The following GRID1 variants were observed in gnomAD, a reference collection of about 807,000 sequenced individuals.
The protein encoded by GRID1 is glutamate ionotropic receptor delta type subunit 1, also known as glutamate receptor ionotropic, delta-1.
GRID1 carries 28 observed loss-of-function variants against 98.0 expected under a neutral mutation model. That is an observed-to-expected ratio of 0.29 (90% CI 0.21 to 0.39). GRID1 has a LOEUF of 0.39. GRID1 is among the 10% of genes least tolerant of loss of function. The pLI, the probability that GRID1 is intolerant of heterozygous loss-of-function variation, is 1.00. For synonymous variants in GRID1, 553 were observed against 538.5 expected, an observed-to-expected ratio of 1.03 and a Z score of -0.37; for missense variants, 1,111 against 1,340.5, an observed-to-expected ratio of 0.83 and a Z score of 2.67.
chr10:85,975,445 G>T (rs1842460212), intron 4 of GRID1, among the ~76,000 whole-genome samples: 1 of 152,100 alleles, frequency 6.6e-6, no homozygotes, highest in Non-Finnish European at 1.5e-5. Flanking sequence ...CCACATTTAG[G>T]GCCAAGAGGG....
rs573727248 is a variant in GRID1 at position 85,916,396 on chromosome 10, T to C, written c.727-157A>G. Among the ~76,000 whole-genome samples, 1 of 152,318 alleles carries C rather than the reference T, an allele frequency of 6.6e-6. No individual in the cohort carries two copies. Among genetic ancestry groups the C allele is most frequent in the African/African-American group, 2.4e-5 (1 of 41,578 alleles). On this transcript the variant is annotated intron_variant, in intron 4 of 15. Coordinates refer to ENST00000327946, the MANE Select transcript of GRID1 (RefSeq NM_017551.3). This position sits in a 1 kb window ranked among gnomAD's most constrained non-coding sequence, Gnocchi z 4.0. Reference sequence around the variant, plus strand: ...TGGGGCCTGCTCTGGCTGCCTTAGCTGCAAGAAGCTTCATCTGAACACAGA... The same window carrying C: ...TGGGGCCTGCTCTGGCTGCCTTAGCCGCAAGAAGCTTCATCTGAACACAGA...
chr10:85,877,087 G>C (rs1253323062), intron 5 of GRID1, among the ~76,000 whole-genome samples: 1 of 152,228 alleles, frequency 6.6e-6, no homozygotes, highest in Non-Finnish European at 1.5e-5. Context: ...GCTTGCTTAG[G>C]TAAACAAAGC....
intron 2 of GRID1, among the ~76,000 whole-genome samples, chr10:86,312,111 G>C (rs575497092): frequency 3.8e-4 from 58 of 152,340 alleles, no homozygotes; most frequent in African/African-American, 1.3e-3. Flanking sequence ...CTTCTGTAAA[G>C]TTCAGGCTGC....
At chr10:85,847,406 C>T (rs1188826521) in intron 8 of GRID1, among the ~76,000 whole-genome samples, 1 of 152,178 alleles carries the variant, frequency 6.6e-6, no homozygotes, top group African/African-American at 2.4e-5. Flanking sequence ...AATAGTAAGT[C>T]TTCCTTATTG....
intron 2 of GRID1, among the ~76,000 whole-genome samples, chr10:86,312,036 T>C (rs1238664835): frequency 6.6e-6 from 1 of 152,218 alleles, no homozygotes; most frequent in Non-Finnish European, 1.5e-5. Context: ...TCCCAGCACT[T>C]GTAATTTGTG....
intron 2 of GRID1, among the ~76,000 whole-genome samples, chr10:86,312,612 C>T (rs1235081907): frequency 1.3e-5 from 2 of 152,256 alleles, no homozygotes; most frequent in South Asian, 2.1e-4. Flanking sequence ...GGTTCCAACA[C>T]TCACTAGTCC....
chr10:86,321,039 G>A (rs1176200002), intron 2 of GRID1, among the ~76,000 whole-genome samples: 1 of 150,788 alleles, frequency 6.6e-6, no homozygotes, highest in African/African-American at 2.4e-5. Flanking sequence ...GGCGGAGCTT[G>A]CAGTGAGCCA....
intron 8 of GRID1, among the ~76,000 whole-genome samples, chr10:85,745,919 G>C (rs923203215): frequency 1.3e-5 from 2 of 152,106 alleles, no homozygotes; most frequent in Non-Finnish European, 2.9e-5. Flanking sequence ...AAAGAGTAGA[G>C]TGAAGAAACA....
chr10:85,919,324 T>C (rs537012476), intron 4 of GRID1, among the ~76,000 whole-genome samples: 1 of 152,362 alleles, frequency 6.6e-6, no homozygotes, highest in East Asian at 1.9e-4. Context: ...TGGTCAACTT[T>C]TCTGTCCTAC....
chr10:85,602,229 T>C lies in GRID1; in HGVS notation c.*44A>G. On this transcript the variant is annotated 3_prime_UTR_variant, in exon 16 of 16. Coordinates refer to ENST00000327946, the MANE Select transcript of GRID1 (RefSeq NM_017551.3). ...GTTTTCTTGTATTAAAAAGCTCTGC[T>C]GGTCGGGTGGGTGGGAGGGTGGGCA... 1 of 926,370 alleles carries C rather than the reference T, an allele frequency of 1.1e-6. No individual in the cohort carries two copies. Among genetic ancestry groups the C allele is most frequent in the Non-Finnish European group, 1.4e-6 (1 of 712,656 alleles). The allele number at this position is 926,370 out of a possible 1,614,324, so 57.4% of individuals were successfully genotyped here.
intron 8 of GRID1, among the ~76,000 whole-genome samples, chr10:85,820,141 C>CAGAA (rs71016112): frequency 0.062 from 7,169 of 114,816 alleles, 520 homozygotes; most frequent in Middle Eastern, 0.093. Flanking sequence ...AAGAAAGAAA[C>CAGAA]AGAAAGAAAG....
intron 12 of GRID1, among the ~76,000 whole-genome samples, chr10:85,709,810 T>C (rs191273324): frequency 2.1e-3 from 321 of 152,360 alleles, no homozygotes; most frequent in Non-Finnish European, 2.8e-3. Flanking sequence ...ATATAGACCA[T>C]AGCTAAACCA....
rs538168462 is a variant in GRID1 at position 85,763,610 on chromosome 10, C to G, written c.1234-33996G>C. Among the ~76,000 whole-genome samples, 16 of 152,354 alleles carry G rather than the reference C, an allele frequency of 1.1e-4. No individual in the cohort carries two copies. The South Asian group carries it at 2.7e-3, about 26-fold the overall frequency. On this transcript the variant is annotated intron_variant, in intron 8 of 15. Transcript: ENST00000327946. ...CAACATGGGTCTCATTTGTAATGCA[C>G]ATTTTTACCTTACTCACTGGAAATG...
chr10:86,051,453 A>G (rs1051014423), intron 4 of GRID1, among the ~76,000 whole-genome samples: 1 of 152,124 alleles, frequency 6.6e-6, no homozygotes, highest in Non-Finnish European at 1.5e-5. Flanking sequence ...CAGAAGACAT[A>G]AAAGAAAAAG....
chr10:85,664,908 A>G (rs979154803), intron 12 of GRID1, among the ~76,000 whole-genome samples: 1 of 152,204 alleles, frequency 6.6e-6, no homozygotes, highest in African/African-American at 2.4e-5. Context: ...TCAGAACTTA[A>G]TGTGGTAAAA....
At chr10:85,688,717 G>T (rs1841297450) in intron 12 of GRID1, among the ~76,000 whole-genome samples, 1 of 152,208 alleles carries the variant, frequency 6.6e-6, no homozygotes, top group Non-Finnish European at 1.5e-5. Flanking sequence ...GGATGGTGGT[G>T]CTCTTCCACT....
chr10:85,867,705 G>A lies in GRID1; in HGVS notation c.951+1305C>T, dbSNP rs567456115. On this transcript the variant is annotated intron_variant, in intron 6 of 15. Transcript: ENST00000327946. ...GGGCTCTTGAGTCCATGAGTGATGC[G>A]GGGGCCTTGGGTCCACTCTCTTGGC... 4.0e-4 allele frequency among the ~76,000 whole-genome samples: 61 copies of A among 152,290 alleles called. No individual in the cohort carries two copies. In the Middle Eastern group the frequency reaches 0.014, roughly 34 times the overall value.
intron 8 of GRID1, among the ~76,000 whole-genome samples, chr10:85,828,148 C>A (rs1225366990): frequency 2.6e-5 from 4 of 152,094 alleles, no homozygotes; most frequent in African/African-American, 7.2e-5. Context: ...AAAAACCATA[C>A]AATTACATGG....
chr10:86,236,345 A>G (rs181780555), intron 2 of GRID1, among the ~76,000 whole-genome samples: 2 of 152,280 alleles, frequency 1.3e-5, no homozygotes, highest in African/African-American at 2.4e-5. Flanking sequence ...CAACCTCTCA[A>G]TGTCTTCACC....
Sources: gnomAD v4.1 joint callset for allele counts (sites outside exome capture counted in the v4.1 genomes callset) on GRCh38, gnomAD v4.1.1 for gene constraint, Gnocchi (gnomAD v3.1) non-coding constraint, MANE v1.5 for transcripts, NCBI Gene and HGNC (gene_info 2026-07-23, HGNC 2026-07-21) for gene names.